Variants in SLC35D2 observed in about 807,000 individuals in gnomAD.
SLC35D2 encodes nucleotide sugar transporter SLC35D2.
SLC35D2 carries 43 observed loss-of-function variants against 41.8 expected under a neutral mutation model. The ratio of observed to expected loss-of-function variants is 1.03; its 90% CI spans 0.81 to 1.33. SLC35D2 has a LOEUF of 1.33. Among genes scored for constraint, SLC35D2 ranks in the 40% most tolerant of loss-of-function variants. The probability of loss-of-function intolerance (pLI) is 0.00; values close to 1 mark genes in which losing one functional copy is unlikely to be tolerated. For missense variants in SLC35D2, 380 were observed against 408.4 expected (o/e 0.93, Z 0.60); for synonymous variants, 150 against 163.9 (o/e 0.92, Z 0.65).
chr9:96,339,168 T>C (rs901066305), intron 8 of SLC35D2, among the ~76,000 whole-genome samples: 13 of 152,128 alleles, frequency 8.5e-5, no homozygotes, highest in Non-Finnish European at 1.8e-4. Flanking sequence ...TGGAGTGCGG[T>C]GGCACGATCT....
chr9:96,356,604 C>T (rs1344895648), intron 4 of SLC35D2, among the ~76,000 whole-genome samples: 2 of 152,076 alleles, frequency 1.3e-5, no homozygotes, highest in African/African-American at 4.8e-5. Flanking sequence ...CATGGTGGCT[C>T]ACTCCAATAA....
At position 96,383,515 on chromosome 9, in the gene SLC35D2, G is replaced by A. The variant is rs1329738210; in HGVS notation, c.120C>T (p.Leu40=). ...SALFYGTCSF[L]IVLVNKALLT... ...GCAGCGCCTTGTTGACAAGCACGAT[G>A]AGGAAGGAGCAGGTCCCGTAGAAGA... Residue 40 remains leucine, a synonymous_variant, in exon 1 of 12, where the codon CTC becomes CTT. Coordinates refer to ENST00000253270, the MANE Select transcript of SLC35D2 (RefSeq NM_007001.3). 3 of 1,536,604 alleles carry A rather than the reference G, an allele frequency of 2.0e-6. No individual in the cohort carries two copies. The highest frequency in any genetic ancestry group is 1.2e-5 in the South Asian group (1 of 83,670).
intron 8 of SLC35D2, among the ~76,000 whole-genome samples, chr9:96,339,376 C>T (rs1829206525): frequency 6.6e-6 from 1 of 152,110 alleles, no homozygotes; most frequent in Admixed American, 6.5e-5. Flanking sequence ...CCCAAAGAGC[C>T]GGGATTACTG....
At chr9:96,325,615 G>A (rs952922042) in intron 9 of SLC35D2, among the ~76,000 whole-genome samples, 1 of 152,118 alleles carries the variant, frequency 6.6e-6, no homozygotes, top group Admixed American at 6.5e-5. Context: ...CCCAGGAGGC[G>A]GAGCTGAGAT....
intron 7 of SLC35D2, among the ~76,000 whole-genome samples, chr9:96,344,570 A>G (rs1214388460): frequency 6.7e-6 from 1 of 149,716 alleles, no homozygotes; most frequent in East Asian, 1.9e-4. Flanking sequence ...AGCAGATAAA[A>G]AAAAAAAAAA....
chr9:96,319,827 G>T (rs1212365675), downstream of SLC35D2, among the ~76,000 whole-genome samples: 1 of 152,232 alleles, frequency 6.6e-6, no homozygotes, highest in African/African-American at 2.4e-5. Flanking sequence ...ATTCCTTCCT[G>T]TGTTGGCCTG....
chr9:96,376,757 T>TA (rs1219158652), intron 1 of SLC35D2, among the ~76,000 whole-genome samples: 1 of 151,764 alleles, frequency 6.6e-6, no homozygotes, highest in African/African-American at 2.4e-5. Context: ...TAGCTGGGAT[T>TA]ACCAGGCCTG....
chr9:96,341,956 A>G (rs954770107), intron 8 of SLC35D2, among the ~76,000 whole-genome samples: 4 of 151,556 alleles, frequency 2.6e-5, no homozygotes, highest in Non-Finnish European at 4.4e-5. Context: ...AAATATATAT[A>G]TATCTAAAAT....
At chr9:96,315,254 G>A (rs1048098892) in intron 11 of SLC35D2, among the ~76,000 whole-genome samples, 2 of 142,854 alleles carry the variant, frequency 1.4e-5, no homozygotes, top group Non-Finnish European at 3.1e-5. Context: ...TAAGTAGGTG[G>A]GACTACAGGC....
chr9:96,371,176 C>T (rs1478629032), intron 1 of SLC35D2, among the ~76,000 whole-genome samples: 2 of 152,022 alleles, frequency 1.3e-5, no homozygotes, highest in African/African-American at 2.4e-5. Flanking sequence ...TATTAAACTA[C>T]TCAATAGGCC....
intron 3 of SLC35D2, among the ~76,000 whole-genome samples, chr9:96,363,057 C>T (rs1006811475): frequency 8.6e-5 from 13 of 151,828 alleles, no homozygotes; most frequent in African/African-American, 9.7e-5. Context: ...TCAGTAGAGA[C>T]GGGGTTTCAC....
At chr9:96,365,848 T>G (rs1830451774) in intron 2 of SLC35D2, among the ~76,000 whole-genome samples, 1 of 152,174 alleles carries the variant, frequency 6.6e-6, no homozygotes, top group African/African-American at 2.4e-5. Context: ...TTCTCTCCAT[T>G]TTAGGATGTG....
At position 96,366,517 on chromosome 9, in the gene SLC35D2, ATTTTTT is replaced by A. The variant is rs34820429; in HGVS notation, c.192+1749_192+1754del. 2.0e-4 allele frequency among the ~76,000 whole-genome samples: 21 copies of A among 103,586 alleles called. No individual in the cohort carries two copies. The South Asian group carries it at 7.5e-3, about 37-fold the overall frequency. 68.0% of individuals were successfully genotyped at this position (103,586 alleles called of 152,430 possible). ...GACTACAAAGGACACCTTATCACTG[ATTTTTT>A]TTTTTTTTTTTTTTTTTGAGACGGA... On this transcript the variant is annotated intron_variant, in intron 2 of 11. Transcript: ENST00000253270.
At chr9:96,368,440 CT>C (rs538824791) in intron 1 of SLC35D2, 135 bp from the exon 2 acceptor site, 75,356 of 552,404 alleles carry the variant, frequency 0.14, 149 homozygotes, top group South Asian at 0.19. Flanking sequence ...TCATTTAATT[CT>C]TTTTTTTTTT....
chr9:96,334,377 C>T (rs1405578979), intron 9 of SLC35D2, among the ~76,000 whole-genome samples: 2 of 152,184 alleles, frequency 1.3e-5, no homozygotes, highest in East Asian at 3.8e-4. Context: ...GCGGCTCATG[C>T]CTGTAATCCC....
At chr9:96,368,447 T>C (rs1376086088) in intron 1 of SLC35D2, 142 bp from the exon 2 acceptor site, 2 of 768,690 alleles carry the variant, frequency 2.6e-6, no homozygotes, top group Admixed American at 3.1e-5. Context: ...ATTCTTTTTT[T>C]TTTTTCTTTT....
At chr9:96,371,231 G>T (rs1397979084) in intron 1 of SLC35D2, among the ~76,000 whole-genome samples, 1 of 152,054 alleles carries the variant, frequency 6.6e-6, no homozygotes, top group East Asian at 1.9e-4. Context: ...TTGGGAGGCC[G>T]AGGCGGGTGG....
At chr9:96,368,247 G>A in intron 2 of SLC35D2, 25 bp downstream of exon 2, 1 of 1,571,418 alleles carries the variant, frequency 6.4e-7, no homozygotes, top group Non-Finnish European at 8.7e-7. Flanking sequence ...AAAATAAGAG[G>A]TTAATTCTAT....
chr9:96,355,768 T>C (rs1175625666), intron 4 of SLC35D2, among the ~76,000 whole-genome samples: 1 of 152,160 alleles, frequency 6.6e-6, no homozygotes, highest in African/African-American at 2.4e-5. Context: ...AGTGCTGGGA[T>C]TACAGGCGTG....
Sources: gnomAD v4.1 joint callset for allele counts (sites outside exome capture counted in the v4.1 genomes callset) on GRCh38, gnomAD v4.1.1 for gene constraint, MANE v1.5 for transcripts, NCBI Gene and HGNC (gene_info 2026-07-23, HGNC 2026-07-21) for gene names.